IL18BP: variants seen among roughly 807,000 people sequenced by gnomAD.
IL18BP encodes the protein interleukin 18 binding protein.
IL18BP carries 23 observed loss-of-function variants against 19.9 expected under a neutral mutation model. The ratio of observed to expected loss-of-function variants is 1.15; its 90% CI spans 0.83 to 1.64. The LOEUF is 1.64. Ranked by LOEUF, IL18BP falls within the 40% of genes most tolerant of loss-of-function variation. IL18BP has a pLI of 0.00. For synonymous variants in IL18BP, 107 were observed against 101.0 expected, an observed-to-expected ratio of 1.06 and a Z score of -0.35; for missense variants, 239 against 240.7, an observed-to-expected ratio of 0.99 and a Z score of 0.05.
chr11:72,005,128 C>T (rs1590854910), downstream of IL18BP: 25 of 1,298,644 alleles, frequency 1.9e-5, no homozygotes, highest in South Asian at 9.0e-5. Flanking sequence ...TCCCCCTCCT[C>T]GGCCAGTCAG....
At chr11:72,005,307 G>C, downstream of IL18BP, 1 of 1,608,576 alleles carries the variant, frequency 6.2e-7, no homozygotes, top group Non-Finnish European at 8.5e-7. Context: ...TCTGCAATGC[G>C]GTTCCAGTCA....
At chr11:72,003,884 T>C (rs758497698), downstream of IL18BP, 8 of 1,613,404 alleles carry the variant, frequency 5.0e-6, no homozygotes, top group South Asian at 7.7e-5. Context: ...CCAGTGCCTC[T>C]ACCTTGCCCT....
downstream of IL18BP, chr11:72,006,173 A>T (rs756770293): frequency 4.5e-5 from 72 of 1,614,006 alleles, no homozygotes; most frequent in Middle Eastern, 1.6e-4. Context: ...TGAGTAGAGG[A>T]GGTGGCTCGC....
chr11:72,005,310 T>G, downstream of IL18BP: 1 of 1,608,358 alleles, frequency 6.2e-7, no homozygotes, highest in Non-Finnish European at 8.5e-7. Flanking sequence ...GCAATGCGGT[T>G]CCAGTCATCC....
downstream of IL18BP, chr11:72,006,206 C>T (rs1220717026): frequency 6.2e-6 from 10 of 1,614,168 alleles, no homozygotes; most frequent in Admixed American, 1.7e-5. Flanking sequence ...GAAGCAGGAG[C>T]AGACCGCGTG....
Position 72,001,437 on chromosome 11 carries a change from G to A in IL18BP, c.392G>A (p.Cys131Tyr). The A allele has an allele frequency of 6.2e-7, 1 of 1,614,226 alleles. No homozygotes were observed. The highest frequency in any genetic ancestry group is 8.5e-7 in the Non-Finnish European group (1 of 1,180,046). ...CGTGGGAGCACAGGTACGCAGCTGT[G>A]CAAGGCCTTGGTGCTGGAGCAGCTG... The part of the protein sequence containing the change: ...RERGSTGTQL[C>Y]KALVLEQLTP... The change falls in exon 5 of 6, where the codon TGC becomes TAC. Residue 131 changes from cysteine (C) to tyrosine (Y), a missense_variant. Cys to Tyr is a radical substitution (Grantham distance 194, BLOSUM62 -2). Transcript: ENST00000393703.
At position 72,001,908 on chromosome 11, in the gene IL18BP, G is replaced by T. The variant is rs1955272794; in HGVS notation, c.*47G>T. ...CAGCACAACCTTGACCAGAGCTTGGGTCCTACCTGTCTACCTGGAGTGAAC... is the reference window on the plus strand; with the variant it reads ...CAGCACAACCTTGACCAGAGCTTGGTTCCTACCTGTCTACCTGGAGTGAAC... On this transcript the variant is annotated 3_prime_UTR_variant, in exon 6 of 6. Transcript: ENST00000393703. 1.1e-5 allele frequency: 17 copies of T among 1,612,026 alleles called. No individual in the cohort carries two copies. Among genetic ancestry groups the T allele is most frequent in the Non-Finnish European group, 1.4e-5 (17 of 1,178,988 alleles).
At chr11:72,008,009 G>A (rs773431342), downstream of IL18BP, 57 of 434,804 alleles carry the variant, frequency 1.3e-4, no homozygotes, top group Middle Eastern at 1.0e-3. Context: ...TCAAACCCCA[G>A]CTCTACCACT....
At chr11:72,000,135 C>A in intron 2 of IL18BP, 123 bp downstream of exon 2, 1 of 1,056,338 alleles carries the variant, frequency 9.5e-7, no homozygotes, top group Non-Finnish European at 1.4e-6. Context: ...GGTGCTGTTG[C>A]TTTAAGAACC....
intron 1 of IL18BP, 75 bp downstream of exon 1, chr11:71,999,094 G>A (rs1284033936): frequency 2.0e-6 from 1 of 504,258 alleles, no homozygotes; most frequent in African/African-American, 1.9e-5. Context: ...GACAGAGGGT[G>A]TGATGGTGGG....
chr11:72,004,679 C>A (rs1171638262), downstream of IL18BP: 1 of 1,613,448 alleles, frequency 6.2e-7, no homozygotes, highest in African/African-American at 1.3e-5. Context: ...CTAGGGAGAC[C>A]CGTTTGCGCT....
Position 71,999,919 on chromosome 11 carries a change from T to C in IL18BP, c.-58-8T>C. 1 of 1,569,934 alleles carries C rather than the reference T, an allele frequency of 6.4e-7. No individual in the cohort carries two copies. The highest frequency in any genetic ancestry group is 8.7e-7 in the Non-Finnish European group (1 of 1,144,152). On this transcript the variant is annotated splice_region_variant and splice_polypyrimidine_tract_variant and intron_variant, in intron 1 of 5. Coordinates refer to ENST00000393703, the MANE Select transcript of IL18BP (RefSeq NM_001039660.2). ...GGTTTACCATTCTCCTCCCCCACCTTTCACCAGAGAAGAGGACGTTGTCAC... is the reference window on the plus strand; with the variant it reads ...GGTTTACCATTCTCCTCCCCCACCTCTCACCAGAGAAGAGGACGTTGTCAC...
downstream of IL18BP, chr11:72,007,660 AC>A: frequency 1.7e-6 from 1 of 594,482 alleles, no homozygotes; most frequent in Non-Finnish European, 3.0e-6. Context: ...CAATGCCCAG[AC>A]CCAGATGTCC....
At chr11:72,004,924 C>T, downstream of IL18BP, 1 of 1,128,326 alleles carries the variant, frequency 8.9e-7, no homozygotes, top group South Asian at 1.6e-5. Flanking sequence ...GGTCGGGACC[C>T]TTCCTGCCTC....
Position 72,001,535 on chromosome 11 carries a change from G to A in IL18BP, c.490G>A (p.Val164Ile), listed in dbSNP as rs768554589. 21 of 1,612,700 alleles carry A rather than the reference G, an allele frequency of 1.3e-5. No individual in the cohort carries two copies. The highest frequency in any genetic ancestry group is 4.0e-5 in the African/African-American group (3 of 74,906). The change falls in exon 5 of 6, where the codon GTC (valine) becomes ATC (isoleucine). Residue 164 changes from valine to isoleucine, a missense_variant. Physicochemically the swap from Val to Ile is conservative, Grantham distance 29. Transcript: ENST00000393703. ...TGAACAGGTTGTCCAGCGTCACGTC[G>A]TCCTGGCCCAGCTCTGGGTGAGGAG... ...DPEQVVQRHV[V>I]LAQLWAGLRA... is the part of the protein sequence containing the mutation.
At chr11:72,006,029 C>T (rs953986841), downstream of IL18BP, 12 of 1,606,470 alleles carry the variant, frequency 7.5e-6, no homozygotes, top group East Asian at 2.7e-4. Flanking sequence ...CCTGTAGTCC[C>T]CTCACCTGGA....
In IL18BP at chr11:72,002,410, T is replaced by TC. The variant is rs1261147911; in HGVS notation, c.*549_*550insC. The TC allele has an allele frequency of 6.2e-6, 1 of 160,840 alleles. No individual in the cohort carries two copies. The highest frequency in any genetic ancestry group is 2.4e-5 in the African/African-American group (1 of 41,432). 10.0% of individuals were successfully genotyped at this position (160,840 alleles called of 1,614,324 possible). On this transcript the variant is annotated 3_prime_UTR_variant, in exon 6 of 6. Transcript: ENST00000393703. ...CTATCTTCGTGCTGTATGTTTTTTT[T>TC]TTCCCCCTTCACTCTAATGGACTGT...
At chr11:72,003,632 G>A, downstream of IL18BP, 3 of 1,510,752 alleles carry the variant, frequency 2.0e-6, no homozygotes, top group East Asian at 2.3e-5. Context: ...CCACGCCCCT[G>A]TCTGGATCCC....
At chr11:72,004,215 CCAGCCT>C (rs1565182223), downstream of IL18BP, 1 of 1,608,582 alleles carries the variant, frequency 6.2e-7, no homozygotes, top group Non-Finnish European at 8.5e-7. Context: ...CCCTTCAGCC[CCAGCCT>C]CACCTGTTTA....
Sources: gnomAD v4.1 joint callset for allele counts on GRCh38, gnomAD v4.1.1 for gene constraint, MANE v1.5 for transcripts, NCBI Gene and HGNC (gene_info 2026-07-23, HGNC 2026-07-21) for gene names.